The following HROB variants were observed in gnomAD, a reference collection of about 807,000 sequenced individuals.
The protein encoded by HROB is homologous recombination OB-fold protein.
In HROB, 44 loss-of-function variants were observed where a neutral mutation model predicts 61.0. The observed-to-expected ratio is 0.72, with a 90% CI of 0.57 to 0.93. The LOEUF is 0.93. Ranked by LOEUF, HROB falls within the 40% of genes least tolerant of loss-of-function variation. The probability of loss-of-function intolerance (pLI) is 0.00; values close to 1 mark genes in which losing one functional copy is unlikely to be tolerated. For missense variants in HROB, 716 were observed against 796.2 expected (o/e 0.90, Z 1.21); for synonymous variants, 301 against 310.4 (o/e 0.97, Z 0.32).
chr17:44,155,086 G>T (rs1297540009), intron 7 of HROB, 148 bp downstream of exon 7: 5 of 1,282,854 alleles, frequency 3.9e-6, no homozygotes, highest in Non-Finnish European at 5.4e-6. Context: ...GGGAAGGCCT[G>T]TGGCCCTTGA....
In HROB at chr17:44,152,846, A is replaced by G. The variant is rs559195973; in HGVS notation, c.1449+69A>G. The G allele has an allele frequency of 4.7e-5, 74 of 1,560,090 alleles. No homozygotes were observed. In the East Asian group the frequency reaches 1.6e-3, roughly 33 times the overall value. ...CTCCCTCTCTCTGACCTACTGCCCT[A>G]CTCCACCTTAGGAAGGGGCTGTTTG... On this transcript the variant is annotated intron_variant, in intron 5 of 9. Coordinates refer to ENST00000585683, the MANE Select transcript of HROB (RefSeq NM_001171251.3).
rs768502682 is a variant in HROB at position 44,148,071 on chromosome 17, G to GA, written c.269dup (p.Asp90GlufsTer52). 10 of 1,614,160 alleles carry GA rather than the reference G, an allele frequency of 6.2e-6. No homozygotes were observed. The highest frequency in any genetic ancestry group is 7.6e-6 in the Non-Finnish European group (9 of 1,180,040). On this transcript the variant is annotated frameshift_variant, in exon 3 of 10. Coordinates refer to ENST00000585683, the MANE Select transcript of HROB (RefSeq NM_001171251.3). LOFTEE classifies it high-confidence loss of function. The stretch of plus-strand genomic sequence containing the variant: ...CCCTGCCTCCAGCACGCCCAGTGCT[G>GA]ACAGCCGTCCATCATGCATAGGAGC...
intron 2 of HROB, among the ~76,000 whole-genome samples, chr17:44,145,634 C>T (rs1314746632): frequency 6.6e-6 from 1 of 152,202 alleles, no homozygotes. Context: ...CAGCAATTGG[C>T]TATGTGAATC....
intron 1 of HROB, among the ~76,000 whole-genome samples, chr17:44,144,239 A>G (rs2053545758): frequency 6.6e-6 from 1 of 151,804 alleles, no homozygotes; most frequent in Non-Finnish European, 1.5e-5. Flanking sequence ...CTCCCAGTTC[A>G]AGCGATTCTC....
intron 9 of HROB, 26 bp downstream of exon 9, chr17:44,157,967 C>A: frequency 6.4e-7 from 1 of 1,551,002 alleles, no homozygotes; most frequent in East Asian, 2.3e-5. Flanking sequence ...CATCTGGGAG[C>A]AAGAGAGGTT....
intron 8 of HROB, among the ~76,000 whole-genome samples, chr17:44,157,516 C>A (rs181924713): frequency 6.7e-6 from 1 of 149,490 alleles, no homozygotes; most frequent in African/African-American, 2.5e-5. Flanking sequence ...TGGGTTCAAG[C>A]GATTCTCATG....
chr17:44,158,543 T>C (rs908536131), intron 9 of HROB, among the ~76,000 whole-genome samples: 36 of 152,040 alleles, frequency 2.4e-4, no homozygotes, highest in Non-Finnish European at 4.9e-4. Flanking sequence ...GAGTGCAGTG[T>C]TATGAACACG....
At chr17:44,159,634 A>G (rs2054072741) in intron 9 of HROB, among the ~76,000 whole-genome samples, 1 of 152,246 alleles carries the variant, frequency 6.6e-6, no homozygotes, top group African/African-American at 2.4e-5. Context: ...AAGGAGTGTG[A>G]GTCATCTCAA....
At chr17:44,150,427 T>C (rs2053765228) in intron 3 of HROB, among the ~76,000 whole-genome samples, 1 of 150,836 alleles carries the variant, frequency 6.6e-6, no homozygotes, top group Non-Finnish European at 1.5e-5. Flanking sequence ...TCTTGCTCTC[T>C]CGTCCAGGCA....
Position 44,161,870 on chromosome 17 carries a change from G to A in HROB, c.1880-1G>A. ...GCTACCCATCATTCCCCTCTCTGTAGATGACCTGGATGGACTCCTGAGTGA... is the reference window on the plus strand; with the variant it reads ...GCTACCCATCATTCCCCTCTCTGTAAATGACCTGGATGGACTCCTGAGTGA... On this transcript the variant is annotated splice_acceptor_variant, in intron 9 of 9. Transcript: ENST00000585683. LOFTEE classifies it high-confidence loss of function. 3 of 1,613,980 alleles carry A rather than the reference G, an allele frequency of 1.9e-6. No individual in the cohort carries two copies. Among genetic ancestry groups the A allele is most frequent in the Non-Finnish European group, 2.5e-6 (3 of 1,179,844 alleles).
chr17:44,159,825 AGAACCAG>A (rs1455831901), intron 9 of HROB, among the ~76,000 whole-genome samples: 1 of 152,260 alleles, frequency 6.6e-6, no homozygotes, highest in African/African-American at 2.4e-5. Flanking sequence ...ACTTAAAAGA[AGAACCAG>A]GTATACAGGC....
intron 9 of HROB, 56 bp from the exon 10 acceptor site, chr17:44,161,815 G>A: frequency 6.3e-7 from 1 of 1,583,574 alleles, no homozygotes; most frequent in Admixed American, 1.7e-5. Context: ...TTGGACCTGA[G>A]TCACATGGAA....
rs780958885 is a variant in HROB at position 44,152,708 on chromosome 17, G to A, written c.1380G>A (p.Thr460=). The A allele has an allele frequency of 8.7e-6, 14 of 1,614,048 alleles. No individual in the cohort carries two copies. The highest frequency in any genetic ancestry group is 8.3e-5 in the Admixed American group (5 of 59,996). The change falls in exon 5 of 10, where the codon ACG becomes ACA. Residue 460 remains threonine, a synonymous_variant. Coordinates refer to ENST00000585683, the MANE Select transcript of HROB (RefSeq NM_001171251.3). ...GRGPWLTMKS[T]LGLDERDPSC... Reference sequence around the variant, plus strand: ...GGCCCTGGCTGACCATGAAATCCACGCTAGGCCTGGATGAGAGAGACCCTA... The same window carrying A: ...GGCCCTGGCTGACCATGAAATCCACACTAGGCCTGGATGAGAGAGACCCTA...
At chr17:44,147,694 C>T in intron 2 of HROB, 164 bp from the exon 3 acceptor site, 1 of 701,440 alleles carries the variant, frequency 1.4e-6, no homozygotes, top group Non-Finnish European at 2.3e-6. Context: ...CCTTGGCCTC[C>T]CAAAGTGCTG....
intron 9 of HROB, among the ~76,000 whole-genome samples, chr17:44,160,214 G>T (rs78764979): frequency 6.6e-6 from 1 of 151,906 alleles, no homozygotes; most frequent in East Asian, 1.9e-4. Context: ...TGTACTGGCT[G>T]TTTTTTTTCT....
chr17:44,161,752 G>A (rs2054146790), intron 9 of HROB, 119 bp from the exon 10 acceptor site: 2 of 1,082,892 alleles, frequency 1.8e-6, no homozygotes, highest in Non-Finnish European at 2.8e-6. Flanking sequence ...GCCTGGAGGA[G>A]CCGCCTGCCC....
In HROB at chr17:44,148,154, G is replaced by T; in HGVS notation, c.351G>T (p.Val117=). The change falls in exon 3 of 10, where the codon GTG becomes GTT. Residue 117 remains valine (V), a synonymous_variant. Coordinates refer to ENST00000585683, the MANE Select transcript of HROB (RefSeq NM_001171251.3). ...GCTGGATTGGCAATCAGAGAAGAGT[G>T]ACAGTGACAGAAGTGCTCAGAGAGA... ...SSSWIGNQRR[V]TVTEVLRETA... is the part of the protein sequence containing the mutation. The T allele has an allele frequency of 6.2e-7, 1 of 1,614,182 alleles. No individual in the cohort carries two copies. The highest frequency in any genetic ancestry group is 8.5e-7 in the Non-Finnish European group (1 of 1,180,034).
chr17:44,151,320 G>C (rs1052099134), intron 4 of HROB, among the ~76,000 whole-genome samples: 1 of 152,170 alleles, frequency 6.6e-6, no homozygotes, highest in East Asian at 1.9e-4. Flanking sequence ...AGCTTCCCCT[G>C]GGGGAGGAGA....
intron 4 of HROB, among the ~76,000 whole-genome samples, chr17:44,152,081 A>G (rs532231958): frequency 7.8e-4 from 118 of 152,040 alleles, no homozygotes; most frequent in African/African-American, 2.6e-3. Context: ...TTCTGACCTC[A>G]TGATCTGCCC....
Sources: allele counts gnomAD v4.1 joint callset (sites outside exome capture counted in the v4.1 genomes callset), GRCh38; gene constraint gnomAD v4.1.1; transcripts MANE v1.5; gene names NCBI Gene and HGNC (gene_info 2026-07-23, HGNC 2026-07-21).